The following RGS12 variants were observed in gnomAD, a reference collection of about 807,000 sequenced individuals.
The protein encoded by RGS12 is regulator of G protein signaling 12, also known as regulator of G-protein signaling 12.
Under a neutral mutation model 120.1 loss-of-function variants are expected in RGS12, and 66 were observed. The observed-to-expected ratio is 0.55, with a 90% CI of 0.45 to 0.67. The LOEUF (loss-of-function observed/expected upper bound fraction) is 0.67, where lower values mean the gene tolerates loss of function less well. RGS12 is among the 30% of genes least tolerant of loss of function. The probability of loss-of-function intolerance (pLI) is 0.00; values close to 1 mark genes in which losing one functional copy is unlikely to be tolerated. For missense variants in RGS12, 1,859 were observed against 1,957.7 expected (o/e 0.95, Z 0.95); for synonymous variants, 827 against 804.7 (o/e 1.03, Z -0.47).
chr4:3,416,778 G>A (rs1437581002), intron 7 of RGS12, 135 bp from the exon 8 acceptor site: 14 of 767,712 alleles, frequency 1.8e-5, no homozygotes, highest in Admixed American at 4.9e-5. Context: ...CAGGGCTGGC[G>A]GGGGAAAATG....
chr4:3,380,654 G>A (rs1360479311), intron 3 of RGS12, among the ~76,000 whole-genome samples: 1 of 152,216 alleles, frequency 6.6e-6, no homozygotes, highest in Non-Finnish European at 1.5e-5. Flanking sequence ...CAAGGCTTGA[G>A]GCTTTCACCC....
chr4:3,422,656 T>A, intron 11 of RGS12, 86 bp downstream of exon 11: 1 of 1,390,342 alleles, frequency 7.2e-7, no homozygotes, highest in Non-Finnish European at 9.8e-7. Flanking sequence ...GTCCTCAGGC[T>A]GCCCCCTCCT....
chr4:3,419,035 A>G (rs1301787318), intron 9 of RGS12: 5 of 151,000 alleles, frequency 3.3e-5, no homozygotes, highest in Non-Finnish European at 5.9e-5. Context: ...AAAAAAAAAA[A>G]AAAAAAAATT....
intron 9 of RGS12, 50 bp downstream of exon 9, chr4:3,417,591 C>A (rs758972610): frequency 6.3e-7 from 1 of 1,590,032 alleles, no homozygotes; most frequent in South Asian, 1.1e-5. Flanking sequence ...GCAGCCGCGT[C>A]CCCGTCCTGG....
rs754852154 is a variant in RGS12, at chr4:3,439,475, C to T, written c.4135C>T (p.Arg1379Ter). 2.2e-5 allele frequency: 36 copies of T among 1,612,680 alleles called. No homozygotes were observed. Among genetic ancestry groups the T allele is most frequent in the East Asian group, 1.6e-4 (7 of 44,876 alleles). Residue 1379 changes from arginine to a stop codon, truncating the protein, a stop_gained, in exon 18 of 18, where the codon CGA becomes TGA. Transcript: ENST00000336727. LOFTEE classifies it low-confidence loss of function (END_TRUNC). ...GACAGGAAGTGGGACCCATGGCAGC[C>T]GAGACCTCCCAGTCAACAGAATCAT... The part of the protein sequence containing the change: ...SRPGSGTHGS[R>*]DLPVNRIIDV...
chr4:3,424,547 G>A (rs923114656), intron 13 of RGS12, among the ~76,000 whole-genome samples: 4 of 152,242 alleles, frequency 2.6e-5, no homozygotes, highest in Admixed American at 2.6e-4. Context: ...GCCCCTGTGT[G>A]TCACAGTTTC....
In RGS12 at chr4:3,414,091, G is replaced by T; in HGVS notation, c.2040G>T (p.Leu680=). Residue 680 remains leucine, a synonymous_variant, in exon 5 of 18, where the codon CTG becomes CTT. Coordinates refer to ENST00000336727, the MANE Select transcript of RGS12 (RefSeq NM_001394154.1). ...VSDGELTGAD[L]KDCVSNNSLS... is the part of the protein sequence containing the mutation. ...CCGCAGAGTTGACGGGCGCCGACCTGAAGGACTGCGTCAGCAACAACAGCC... is the reference window on the plus strand; with the variant it reads ...CCGCAGAGTTGACGGGCGCCGACCTTAAGGACTGCGTCAGCAACAACAGCC... The T allele has an allele frequency of 6.4e-7, 1 of 1,569,914 alleles. No individual in the cohort carries two copies. Among genetic ancestry groups the T allele is most frequent in the East Asian group, 2.3e-5 (1 of 43,570 alleles).
intron 3 of RGS12, among the ~76,000 whole-genome samples, chr4:3,378,746 C>T (rs928901276): frequency 1.3e-5 from 2 of 152,150 alleles, no homozygotes; most frequent in African/African-American, 4.8e-5. Flanking sequence ...ATCAGAAAGG[C>T]AAAAGATAAC....
At chr4:3,393,857 A>G (rs1719771757) in intron 4 of RGS12, among the ~76,000 whole-genome samples, 1 of 152,158 alleles carries the variant, frequency 6.6e-6, no homozygotes, top group African/African-American at 2.4e-5. Flanking sequence ...ACCTTGTACA[A>G]AGAGCTTCAC....
At chr4:3,340,498 G>A (rs1037512944) in intron 2 of RGS12, among the ~76,000 whole-genome samples, 2 of 152,232 alleles carry the variant, frequency 1.3e-5, no homozygotes, top group African/African-American at 4.8e-5. Flanking sequence ...GCGGGCGCCC[G>A]GGGTGTGGAC....
chr4:3,378,292 T>G (rs1162651940), intron 3 of RGS12: 2 of 151,924 alleles, frequency 1.3e-5, no homozygotes, highest in African/African-American at 4.8e-5. Flanking sequence ...ACTTAAGACC[T>G]GAAACCAAAA....
chr4:3,330,511 G>A (rs1690675920), intron 2 of RGS12, among the ~76,000 whole-genome samples: 1 of 152,164 alleles, frequency 6.6e-6, no homozygotes, highest in African/African-American at 2.4e-5. Flanking sequence ...TTGTGATCCA[G>A]GATCTTATTG....
intron 8 of RGS12, 71 bp downstream of exon 8, chr4:3,417,163 A>G: frequency 1.4e-6 from 2 of 1,456,664 alleles, no homozygotes; most frequent in Non-Finnish European, 1.8e-6. Flanking sequence ...TTCTGTGGGG[A>G]GTGAAAAGAG....
chr4:3,425,345 G>A, intron 13 of RGS12, 119 bp from the exon 14 acceptor site: 1 of 882,892 alleles, frequency 1.1e-6, no homozygotes, highest in Non-Finnish European at 1.9e-6. Flanking sequence ...TCACCTCGGG[G>A]CCATCTCCTG....
At position 3,423,717 on chromosome 4, in the gene RGS12, C is replaced by T. The variant is rs546886116; in HGVS notation, c.3234+76C>T. ...CCTTTGGCAGCCTCTGTGTTGTTCA[C>T]TGAAGAGGGCACACCAAGAAGCGGT... On this transcript the variant is annotated intron_variant, in intron 13 of 17. Coordinates refer to ENST00000336727, the MANE Select transcript of RGS12 (RefSeq NM_001394154.1). 2.0e-6 allele frequency: 3 copies of T among 1,531,060 alleles called. No homozygotes were observed. The African/African-American group carries it at 4.1e-5, about 21-fold the overall frequency. The allele number at this position is 1,531,060 out of a possible 1,614,324, so 94.8% of individuals were successfully genotyped here. A position where few individuals can be genotyped will look rare whatever the true frequency, so the allele number is the denominator to read the frequency against.
chr4:3,424,512 T>C (rs1723391498), intron 13 of RGS12, among the ~76,000 whole-genome samples: 3 of 152,194 alleles, frequency 2.0e-5, no homozygotes, highest in Admixed American at 1.3e-4. Context: ...TGGCCGACTC[T>C]GGGGAGACGC....
At chr4:3,414,920 G>C in intron 6 of RGS12, 76 bp downstream of exon 6, 1 of 1,077,662 alleles carries the variant, frequency 9.3e-7, no homozygotes. Context: ...GTGTGTGAGA[G>C]GGCCACGTGT....
At chr4:3,363,571 G>C (rs1240592622) in intron 3 of RGS12, among the ~76,000 whole-genome samples, 2 of 152,062 alleles carry the variant, frequency 1.3e-5, no homozygotes, top group African/African-American at 2.4e-5. Flanking sequence ...GCGTGTAGGA[G>C]AATCTGCTTG....
At chr4:3,402,052 A>G (rs1030786369) in intron 4 of RGS12, among the ~76,000 whole-genome samples, 2 of 152,152 alleles carry the variant, frequency 1.3e-5, no homozygotes, top group African/African-American at 2.4e-5. Context: ...AGCGCTGCCT[A>G]CCTCCCTGGG....
Sources: gnomAD v4.1 joint callset for allele counts (sites outside exome capture counted in the v4.1 genomes callset) on GRCh38, gnomAD v4.1.1 for gene constraint, MANE v1.5 for transcripts, NCBI Gene and HGNC (gene_info 2026-07-23, HGNC 2026-07-21) for gene names.